The following CUBN variants were observed in gnomAD, a reference collection of about 807,000 sequenced individuals.
CUBN encodes 460 kDa receptor.
CUBN carries 282 observed loss-of-function variants against 405.3 expected under a neutral mutation model. That is an observed-to-expected ratio of 0.70 (90% CI 0.63 to 0.77). CUBN has a LOEUF of 0.77. CUBN is among the 30% of genes least tolerant of loss of function. The pLI is 0.00. For synonymous variants in CUBN, 1,684 were observed against 1,617.0 expected, an observed-to-expected ratio of 1.04 and a Z score of -0.99; for missense variants, 4,514 against 4,475.2, an observed-to-expected ratio of 1.01 and a Z score of -0.25.
At chr10:16,947,084 T>C in intron 36 of CUBN, 151 bp downstream of exon 36, 1 of 800,828 alleles carries the variant, frequency 1.2e-6, no homozygotes, top group Non-Finnish European at 2.1e-6. Flanking sequence ...TCATGCTATT[T>C]ATAACTCAAA....
chr10:17,067,840 T>C (rs1453148254), intron 21 of CUBN, among the ~76,000 whole-genome samples: 4 of 152,248 alleles, frequency 2.6e-5, no homozygotes, highest in South Asian at 2.1e-4. Context: ...AGTGGATATA[T>C]GCATTATTTT....
rs777808019 is a variant in CUBN, at chr10:16,829,061, G to C, written c.10529-21C>G. On this transcript the variant is annotated intron_variant, in intron 65 of 66. Coordinates refer to ENST00000377833, the MANE Select transcript of CUBN (RefSeq NM_001081.4). ...ACATCCTGCAAGGAAAACAGGACAG[G>C]AAGTTTGATTCAACAGCATATAAGC... is the stretch of plus-strand genomic sequence containing the variant. 23 of 1,595,534 alleles carry C rather than the reference G, an allele frequency of 1.4e-5. No homozygotes were observed. The South Asian group carries it at 2.5e-4, about 18-fold the overall frequency.
chr10:16,925,806 A>C, intron 41 of CUBN, 32 bp from the exon 42 acceptor site: 2 of 1,599,278 alleles, frequency 1.3e-6, no homozygotes, highest in Non-Finnish European at 1.7e-6. Flanking sequence ...TCGGTTATTT[A>C]AATAGCATTG....
intron 48 of CUBN, among the ~76,000 whole-genome samples, chr10:16,910,148 C>T (rs1841683686): frequency 1.3e-5 from 2 of 150,362 alleles, no homozygotes; most frequent in Admixed American, 1.3e-4. Flanking sequence ...TTCTTCTTCT[C>T]TCCTTCTCCT....
chr10:16,827,224 G>A (rs1442700589), intron 66 of CUBN, among the ~76,000 whole-genome samples: 4 of 152,120 alleles, frequency 2.6e-5, no homozygotes, highest in Non-Finnish European at 4.4e-5. Context: ...GGCCACACTC[G>A]TGCAACGGAA....
chr10:17,112,458 A>G (rs1588650683), intron 8 of CUBN, among the ~76,000 whole-genome samples: 1 of 152,134 alleles, frequency 6.6e-6, no homozygotes, highest in Non-Finnish European at 1.5e-5. Flanking sequence ...GATAAACAAG[A>G]AAACAAAAAA....
chr10:17,046,285 C>T (rs959310543), intron 23 of CUBN, among the ~76,000 whole-genome samples, 191 bp from the exon 24 acceptor site: 1 of 152,094 alleles, frequency 6.6e-6, no homozygotes, highest in African/African-American at 2.4e-5. Flanking sequence ...ATTTGAATGA[C>T]TTAACAAAGA....
chr10:17,085,496 A>ACAGT, intron 16 of CUBN, 101 bp downstream of exon 16: 3 of 1,190,342 alleles, frequency 2.5e-6, no homozygotes, highest in Non-Finnish European at 3.8e-6. Context: ...TTGGTCTAAG[A>ACAGT]CAGTCAGTCA....
In CUBN at chr10:16,990,524, A is replaced by C; in HGVS notation, c.4169-9T>G. 6.2e-7 allele frequency: 1 copy of C among 1,613,956 alleles called. No individual in the cohort carries two copies. Reference sequence around the variant, plus strand: ...CAGCTCTCCACCACAACCTGTTAAAACAGAAAGGTTCAGTCAGTTCAAAGT... The same window carrying C: ...CAGCTCTCCACCACAACCTGTTAAACCAGAAAGGTTCAGTCAGTTCAAAGT... On this transcript the variant is annotated splice_polypyrimidine_tract_variant and intron_variant, in intron 28 of 66. Transcript: ENST00000377833.
chr10:17,014,319 G>T (rs1411489469), intron 28 of CUBN, among the ~76,000 whole-genome samples: 1 of 152,176 alleles, frequency 6.6e-6, no homozygotes, highest in Non-Finnish European at 1.5e-5. Context: ...CTTAAAGCTG[G>T]AGCTTTTACT....
chr10:16,956,498 A>T (rs936573033), intron 31 of CUBN, among the ~76,000 whole-genome samples: 1 of 151,974 alleles, frequency 6.6e-6, no homozygotes, highest in African/African-American at 2.4e-5. Context: ...ACAAAATGAC[A>T]TTTAAACCAT....
intron 39 of CUBN, 22 bp from the exon 40 acceptor site, chr10:16,933,306 C>G (rs1842415107): frequency 1.9e-6 from 3 of 1,608,814 alleles, no homozygotes; most frequent in Non-Finnish European, 2.5e-6. Flanking sequence ...AAAGCAACAT[C>G]TTTGACACAG....
At chr10:16,898,804 A>G (rs191071250) in intron 54 of CUBN, among the ~76,000 whole-genome samples, 192 bp downstream of exon 54, 1 of 152,020 alleles carries the variant, frequency 6.6e-6, no homozygotes, top group Non-Finnish European at 1.5e-5. Flanking sequence ...TCCCTTTAGG[A>G]TCTATTAGAA....
intron 17 of CUBN, among the ~76,000 whole-genome samples, chr10:17,080,413 T>A (rs1453138616): frequency 6.6e-6 from 1 of 152,220 alleles, no homozygotes; most frequent in Non-Finnish European, 1.5e-5. Context: ...CAATGTAAAT[T>A]ACTCCTTCCT....
chr10:17,030,217 T>G (rs1834759617), intron 27 of CUBN, among the ~76,000 whole-genome samples: 1 of 152,178 alleles, frequency 6.6e-6, no homozygotes, highest in Non-Finnish European at 1.5e-5. Context: ...TATATTACAA[T>G]GTAAGACTAA....
intron 31 of CUBN, among the ~76,000 whole-genome samples, chr10:16,959,090 C>T (rs1395161338): frequency 1.3e-5 from 2 of 152,136 alleles, no homozygotes; most frequent in South Asian, 2.1e-4. Flanking sequence ...GATGGCAAGG[C>T]TTTCAGTACC....
intron 27 of CUBN, among the ~76,000 whole-genome samples, chr10:17,033,271 A>T (rs1834823129): frequency 6.6e-6 from 1 of 151,936 alleles, no homozygotes; most frequent in Non-Finnish European, 1.5e-5. Flanking sequence ...TGTGTTATTC[A>T]TCCTCAGGGA....
At chr10:17,015,781 C>T (rs551214092) in intron 28 of CUBN, among the ~76,000 whole-genome samples, 26 of 152,216 alleles carry the variant, frequency 1.7e-4, no homozygotes, top group East Asian at 3.9e-4. Context: ...GACGAGGGGG[C>T]GGCTTGTTTC....
chr10:17,022,418 G>A (rs11595961), intron 27 of CUBN, among the ~76,000 whole-genome samples: 2 of 151,876 alleles, frequency 1.3e-5, no homozygotes, highest in East Asian at 1.9e-4. Flanking sequence ...TCTGTTTTTC[G>A]TACTGCTGCT....
Sources: gnomAD v4.1 joint callset for allele counts (sites outside exome capture counted in the v4.1 genomes callset) on GRCh38, gnomAD v4.1.1 for gene constraint, MANE v1.5 for transcripts, NCBI Gene and HGNC (gene_info 2026-07-23, HGNC 2026-07-21) for gene names.